The following WDFY4 variants were observed in gnomAD, a reference collection of about 807,000 sequenced individuals.
WDFY4 encodes the protein WDFY family member 4.
In WDFY4, 169 loss-of-function variants were observed where a neutral mutation model predicts 351.9. The observed-to-expected ratio is 0.48, with a 90% CI of 0.42 to 0.55. The LOEUF (loss-of-function observed/expected upper bound fraction) is 0.55, where lower values mean the gene tolerates loss of function less well. Among genes scored for constraint, WDFY4 ranks in the 20% least tolerant of loss-of-function variants. The pLI is 0.00. For missense variants in WDFY4, 3,803 were observed against 3,935.6 expected, an observed-to-expected ratio of 0.97 and a Z score of 0.90; for synonymous variants, 1,622 against 1,574.6, an observed-to-expected ratio of 1.03 and a Z score of -0.71.
intron 2 of WDFY4, among the ~76,000 whole-genome samples, chr10:48,719,526 C>A (rs7100075): frequency 0.33 from 50,802 of 152,118 alleles, 8,781 homozygotes; most frequent in East Asian, 0.65. Flanking sequence ...CACACTCTTT[C>A]ACTTGCAATC....
intron 7 of WDFY4, 133 bp from the exon 8 acceptor site, chr10:48,729,299 C>A (rs1459519393): frequency 3.0e-6 from 4 of 1,322,108 alleles, no homozygotes; most frequent in African/African-American, 3.0e-5. Context: ...CTCTGAATTG[C>A]CTCAGGTGCA....
rs373357507 is a variant in WDFY4 at position 48,940,860 on chromosome 10, T to C, written c.7587-946T>C. Among the ~76,000 whole-genome samples, 36 of 152,310 alleles carry C rather than the reference T, an allele frequency of 2.4e-4. No homozygotes were observed. In the East Asian group the frequency reaches 3.1e-3, roughly 13 times the overall value. Reference sequence around the variant, plus strand: ...GCTCCTCCCCACACTCTCCCCAGTATTGCATTTTGTTACCCTTTTTTCCTA... The same window carrying C: ...GCTCCTCCCCACACTCTCCCCAGTACTGCATTTTGTTACCCTTTTTTCCTA... On this transcript the variant is annotated intron_variant, in intron 47 of 61. Transcript: ENST00000325239.
intron 39 of WDFY4, among the ~76,000 whole-genome samples, chr10:48,838,542 G>A (rs985515743): frequency 6.6e-6 from 1 of 151,990 alleles, no homozygotes; most frequent in African/African-American, 2.4e-5. Flanking sequence ...TATCCCCTCT[G>A]AGCACTTCAC....
chr10:48,853,019 C>A (rs1020312590), intron 39 of WDFY4, among the ~76,000 whole-genome samples: 2 of 152,112 alleles, frequency 1.3e-5, no homozygotes, highest in Admixed American at 6.5e-5. Flanking sequence ...ACAGCCAAAC[C>A]CAGTGAATAT....
chr10:48,847,640 C>T (rs1466692582), intron 39 of WDFY4, among the ~76,000 whole-genome samples: 2 of 152,026 alleles, frequency 1.3e-5, no homozygotes, highest in Non-Finnish European at 2.9e-5. Context: ...CGTGGCGACA[C>T]CTCCCACCTG....
intron 30 of WDFY4, among the ~76,000 whole-genome samples, chr10:48,812,179 C>CTTTTTTTT (rs1355851618): frequency 9.7e-5 from 13 of 134,552 alleles, no homozygotes; most frequent in African/African-American, 3.8e-4. Flanking sequence ...TCTTTCTTTT[C>CTTTTTTTT]TTTTTTTTTT....
intron 47 of WDFY4, among the ~76,000 whole-genome samples, chr10:48,926,238 C>T (rs892785039): frequency 1.3e-5 from 2 of 152,318 alleles, no homozygotes; most frequent in South Asian, 2.1e-4. Context: ...TTAAGGAAGG[C>T]CACTAGCCCC....
At chr10:48,879,849 C>T (rs957686018) in intron 43 of WDFY4, among the ~76,000 whole-genome samples, 1 of 152,164 alleles carries the variant, frequency 6.6e-6, no homozygotes, top group Non-Finnish European at 1.5e-5. Flanking sequence ...GTACCCTTCT[C>T]ACCCTTCATA....
At chr10:48,840,051 G>T (rs558847817) in intron 39 of WDFY4, among the ~76,000 whole-genome samples, 4 of 152,178 alleles carry the variant, frequency 2.6e-5, no homozygotes, top group Admixed American at 1.3e-4. Context: ...ATTTCCAGAC[G>T]GGATATCCAT....
At chr10:48,810,452 G>C in intron 28 of WDFY4, 78 bp from the exon 29 acceptor site, 1 of 1,391,698 alleles carries the variant, frequency 7.2e-7, no homozygotes, top group Non-Finnish European at 9.7e-7. Context: ...GACTTGTAAG[G>C]CTGGACATTT....
At chr10:48,779,308 A>C (rs1177099404) in intron 18 of WDFY4, among the ~76,000 whole-genome samples, 4 of 152,118 alleles carry the variant, frequency 2.6e-5, no homozygotes, top group Admixed American at 2.6e-4. Flanking sequence ...GCCCAGGGCC[A>C]CCCCTCCTTT....
chr10:48,713,844 C>A (rs1249054764), intron 2 of WDFY4, among the ~76,000 whole-genome samples: 1 of 152,158 alleles, frequency 6.6e-6, no homozygotes, highest in Non-Finnish European at 1.5e-5. Flanking sequence ...CTTTCTTTGA[C>A]CTGTGCTAAG....
chr10:48,791,075 A>T (rs1202707028), intron 23 of WDFY4, among the ~76,000 whole-genome samples, 158 bp downstream of exon 23: 1 of 152,242 alleles, frequency 6.6e-6, no homozygotes, highest in Non-Finnish European at 1.5e-5. Context: ...GCAACTTCGC[A>T]GCAGAGGAGG....
At chr10:48,823,297 A>G in intron 35 of WDFY4, 1 of 1,284,538 alleles carries the variant, frequency 7.8e-7, no homozygotes. Flanking sequence ...ACCCAGGGGG[A>G]TGTCTGTGAT....
At chr10:48,858,509 G>GCATT (rs2069221863) in intron 39 of WDFY4, among the ~76,000 whole-genome samples, 1 of 152,086 alleles carries the variant, frequency 6.6e-6, no homozygotes, top group Admixed American at 6.6e-5. Context: ...AATTAGTTGG[G>GCATT]CATTCATGTG....
chr10:48,969,253 G>T lies in WDFY4; in HGVS notation c.8769+5G>T. On this transcript the variant is annotated splice_donor_5th_base_variant and intron_variant, in intron 56 of 61. Transcript: ENST00000325239. ...GGGAGCTACGGCTCCGACAAGGTGA[G>T]GGGGCTGCAGGGAGCAGGGGCAGCC... 6.4e-7 allele frequency: 1 copy of T among 1,550,928 alleles called. No homozygotes were observed. The highest frequency in any genetic ancestry group is 1.2e-5 in the South Asian group (1 of 84,048).
In WDFY4 at chr10:48,943,291, A is replaced by G. The variant is rs923416288; in HGVS notation, c.7630-39A>G. The G allele has an allele frequency of 8.4e-6, 13 of 1,548,442 alleles. No individual in the cohort carries two copies. The East Asian group carries it at 9.8e-5, about 12-fold the overall frequency. ...GACCCATGGCTTTGCAGGAGCATCA[A>G]ACGTATTTGGTTTATCCCCTTTCTG... is the stretch of plus-strand genomic sequence containing the variant. On this transcript the variant is annotated intron_variant, in intron 48 of 61. Transcript: ENST00000325239.
rs2067860213 is a variant in WDFY4 at position 48,822,547 on chromosome 10, G to T, written c.5982+10G>T. 1.3e-6 allele frequency: 2 copies of T among 1,522,414 alleles called. No individual in the cohort carries two copies. Among genetic ancestry groups the T allele is most frequent in the Non-Finnish European group, 1.8e-6 (2 of 1,128,828 alleles). The allele number at this position is 1,522,414 out of a possible 1,614,324, so 94.3% of individuals were successfully genotyped here. A position where few individuals can be genotyped will look rare whatever the true frequency, so the allele number is the denominator to read the frequency against. On this transcript the variant is annotated intron_variant, in intron 35 of 61. Coordinates refer to ENST00000325239, the MANE Select transcript of WDFY4 (RefSeq NM_001394531.1). ...GGAGCACATCATGGTGGTAAGAGCTGCTCACTGACCGGGTATCTGTGTGGA... is the reference window on the plus strand; with the variant it reads ...GGAGCACATCATGGTGGTAAGAGCTTCTCACTGACCGGGTATCTGTGTGGA...
intron 12 of WDFY4, among the ~76,000 whole-genome samples, chr10:48,747,539 T>C (rs2065051237): frequency 6.6e-6 from 1 of 152,194 alleles, no homozygotes. Context: ...TTTTCATCTC[T>C]TTGTCTCTCT....
Sources: gnomAD v4.1 joint callset for allele counts (sites outside exome capture counted in the v4.1 genomes callset) on GRCh38, gnomAD v4.1.1 for gene constraint, MANE v1.5 for transcripts, NCBI Gene and HGNC (gene_info 2026-07-23, HGNC 2026-07-21) for gene names.